The following NRXN1 variants were observed in gnomAD, a reference collection of about 807,000 sequenced individuals.
NRXN1 encodes neurexin 1, also known as neurexin-1.
Under a neutral mutation model 150.9 loss-of-function variants are expected in NRXN1, and 39 were observed. That is an observed-to-expected ratio of 0.26 (90% CI 0.20 to 0.34). NRXN1 has a LOEUF of 0.34. Among genes scored for constraint, NRXN1 ranks in the 10% least tolerant of loss-of-function variants. The pLI is 1.00. For synonymous variants in NRXN1, 924 were observed against 757.0 expected, an observed-to-expected ratio of 1.22 and a Z score of -3.62; for missense variants, 1,815 against 1,949.9, an observed-to-expected ratio of 0.93 and a Z score of 1.30.
chr2:50,317,941 A>G (rs533229524), intron 17 of NRXN1, among the ~76,000 whole-genome samples: 1 of 152,170 alleles, frequency 6.6e-6, no homozygotes, highest in African/African-American at 2.4e-5. Flanking sequence ...GTAGAAAAGT[A>G]TATCTTAAAC....
At chr2:50,707,844 G>T (rs1574184905) in intron 5 of NRXN1, among the ~76,000 whole-genome samples, 1 of 152,102 alleles carries the variant, frequency 6.6e-6, no homozygotes, top group Admixed American at 6.6e-5. Context: ...GATCCTAGAA[G>T]ATCTTACAGA....
intron 5 of NRXN1, among the ~76,000 whole-genome samples, chr2:50,793,726 T>C (rs912119165): frequency 1.1e-4 from 17 of 152,154 alleles, no homozygotes; most frequent in Admixed American, 5.2e-4. Context: ...CATTGAATGA[T>C]AGGAAGAAAA....
At chr2:50,537,950 C>T (rs1369391391) in intron 10 of NRXN1, among the ~76,000 whole-genome samples, 2 of 152,052 alleles carry the variant, frequency 1.3e-5, no homozygotes, top group Non-Finnish European at 2.9e-5. Context: ...AAGTTAAAAA[C>T]TGGGCAAAAA....
At chr2:50,956,010 C>G (rs1330228338) in intron 2 of NRXN1, among the ~76,000 whole-genome samples, 1 of 152,076 alleles carries the variant, frequency 6.6e-6, no homozygotes, top group African/African-American at 2.4e-5. Flanking sequence ...TGGCTCTACC[C>G]TAAAAACTCA....
intron 5 of NRXN1, among the ~76,000 whole-genome samples, chr2:50,734,583 G>A (rs1698487329): frequency 1.3e-5 from 2 of 151,960 alleles, no homozygotes; most frequent in Admixed American, 6.6e-5. Flanking sequence ...CAAGCACCTG[G>A]CTCAAAGGTC....
intron 17 of NRXN1, among the ~76,000 whole-genome samples, chr2:50,287,315 C>A (rs1038230072): frequency 6.6e-6 from 1 of 152,020 alleles, no homozygotes; most frequent in Non-Finnish European, 1.5e-5. Context: ...TTTAATCCTT[C>A]TTTATGGATT....
intron 17 of NRXN1, among the ~76,000 whole-genome samples, chr2:50,405,136 T>C (rs2082670276): frequency 6.6e-6 from 1 of 152,154 alleles, no homozygotes; most frequent in South Asian, 2.1e-4. Flanking sequence ...AAAGTCAATA[T>C]ATCTGGACTG....
chr2:50,898,574 T>A, intron 5 of NRXN1: 1 of 485,804 alleles, frequency 2.1e-6, no homozygotes, highest in Non-Finnish European at 4.1e-6. Flanking sequence ...TGAAACGGGA[T>A]ATTGTGCTCT....
At chr2:50,888,096 T>C (rs1208528306) in intron 5 of NRXN1, among the ~76,000 whole-genome samples, 1 of 151,522 alleles carries the variant, frequency 6.6e-6, no homozygotes, top group Non-Finnish European at 1.5e-5. Context: ...TCAAGATCAG[T>C]ACAGTGTCAC....
chr2:50,018,336 T>C (rs902690750), intron 21 of NRXN1, among the ~76,000 whole-genome samples: 4 of 152,168 alleles, frequency 2.6e-5, no homozygotes, highest in African/African-American at 9.7e-5. Flanking sequence ...GCCTGTCAAA[T>C]TACCTTTCAA....
rs1215213277 is a variant in NRXN1, at chr2:50,458,956, A to G, written c.3364+6486T>C. Among the ~76,000 whole-genome samples the G allele has an allele frequency of 2.6e-5, 4 of 152,068 alleles. No individual in the cohort carries two copies. In the East Asian group the frequency reaches 7.7e-4, roughly 29 times the overall value. ...AAGTAATCAGATATTTTTGGAGAAAAGGTAAAGCTTATAAAATTTAAATGG... is the reference window on the plus strand; with the variant it reads ...AAGTAATCAGATATTTTTGGAGAAAGGGTAAAGCTTATAAAATTTAAATGG... On this transcript the variant is annotated intron_variant, in intron 17 of 22. Coordinates refer to ENST00000401669, the MANE Select transcript of NRXN1 (RefSeq NM_001330078.2).
At chr2:50,904,902 C>G (rs564616301) in intron 5 of NRXN1, among the ~76,000 whole-genome samples, 1 of 152,162 alleles carries the variant, frequency 6.6e-6, no homozygotes, top group South Asian at 2.1e-4. Context: ...CTTCTGGGTA[C>G]TTATATCCAG....
chr2:50,717,264 C>T (rs1433321915), intron 5 of NRXN1, among the ~76,000 whole-genome samples: 3 of 152,130 alleles, frequency 2.0e-5, no homozygotes, highest in South Asian at 2.1e-4. Flanking sequence ...AATAACACTA[C>T]ATCAAATTCT....
chr2:50,400,580 T>C (rs1056707003), intron 17 of NRXN1, among the ~76,000 whole-genome samples: 4 of 152,120 alleles, frequency 2.6e-5, no homozygotes, highest in African/African-American at 9.7e-5. Context: ...CACAAGGCAC[T>C]AGACCAGAAA....
At chr2:50,725,323 T>A (rs541125756) in intron 5 of NRXN1, among the ~76,000 whole-genome samples, 1 of 151,666 alleles carries the variant, frequency 6.6e-6, no homozygotes, top group Non-Finnish European at 1.5e-5. Context: ...AGTGTTTATA[T>A]GTGGAAAGTT....
intron 21 of NRXN1, among the ~76,000 whole-genome samples, chr2:50,037,726 C>A (rs914176107): frequency 6.6e-6 from 1 of 152,106 alleles, no homozygotes; most frequent in Non-Finnish European, 1.5e-5. Flanking sequence ...TGAGTACAAA[C>A]GATTATTACT....
chr2:50,646,524 G>T (rs1353935829), intron 5 of NRXN1, among the ~76,000 whole-genome samples: 1 of 151,984 alleles, frequency 6.6e-6, no homozygotes, highest in African/African-American at 2.4e-5. Context: ...AAACTGAGGA[G>T]AACCAGCTCT....
intron 17 of NRXN1, among the ~76,000 whole-genome samples, chr2:50,404,760 A>C (rs2082635108): frequency 6.6e-6 from 1 of 152,142 alleles, no homozygotes; most frequent in South Asian, 2.1e-4. Context: ...ATTAAGGATC[A>C]GGAAAAAGGC....
chr2:50,523,245 C>A (rs202181647), intron 12 of NRXN1, among the ~76,000 whole-genome samples: 2 of 152,038 alleles, frequency 1.3e-5, no homozygotes, highest in African/African-American at 2.4e-5. Context: ...CAAAAAACAA[C>A]GAGACTTCTG....
Sources: gnomAD v4.1 joint callset for allele counts (sites outside exome capture counted in the v4.1 genomes callset) on GRCh38, gnomAD v4.1.1 for gene constraint, MANE v1.5 for transcripts, NCBI Gene and HGNC (gene_info 2026-07-23, HGNC 2026-07-21) for gene names.